Variants in PTPRR observed in about 807,000 individuals in gnomAD.
PTPRR encodes the protein receptor-type tyrosine-protein phosphatase R.
In PTPRR, 38 loss-of-function variants were observed where a neutral mutation model predicts 77.2. The observed-to-expected ratio is 0.49, with a 90% CI of 0.38 to 0.65. PTPRR has a LOEUF of 0.65. Ranked by LOEUF, PTPRR falls within the 30% of genes least tolerant of loss-of-function variation. PTPRR has a pLI of 0.00. For missense variants in PTPRR, 744 were observed against 799.2 expected, an observed-to-expected ratio of 0.93 and a Z score of 0.83; for synonymous variants, 299 against 283.1, an observed-to-expected ratio of 1.06 and a Z score of -0.57.
chr12:70,896,206 T>C (rs1265691960), intron 1 of PTPRR, among the ~76,000 whole-genome samples: 1 of 151,468 alleles, frequency 6.6e-6, no homozygotes, highest in Non-Finnish European at 1.5e-5. Flanking sequence ...TATATATGCA[T>C]CAAAAATGAG....
intron 2 of PTPRR, among the ~76,000 whole-genome samples, chr12:70,817,304 G>T (rs1437007700): frequency 6.6e-6 from 1 of 151,986 alleles, no homozygotes; most frequent in Non-Finnish European, 1.5e-5. Flanking sequence ...TTTCCTTTTT[G>T]TTGCTACAAA....
intron 2 of PTPRR, among the ~76,000 whole-genome samples, chr12:70,794,992 G>A (rs952611913): frequency 1.3e-5 from 2 of 152,140 alleles, no homozygotes; most frequent in Admixed American, 6.5e-5. Flanking sequence ...AAGGGCTAGA[G>A]ATCTAGTGAT....
At chr12:70,821,700 C>T (rs2063616) in intron 2 of PTPRR, among the ~76,000 whole-genome samples, 5,930 of 152,062 alleles carry the variant, frequency 0.039, 379 homozygotes, top group African/African-American at 0.13. Flanking sequence ...CTCACTCTGT[C>T]GCCCAGGCTG....
intron 2 of PTPRR, among the ~76,000 whole-genome samples, chr12:70,778,105 T>C (rs533862531): frequency 1.8e-4 from 28 of 152,384 alleles, no homozygotes; most frequent in African/African-American, 6.5e-4. Flanking sequence ...ATGAGTGCTC[T>C]ATTTCCTGAG....
chr12:70,751,752 C>T (rs11178391), intron 5 of PTPRR, among the ~76,000 whole-genome samples: 43,522 of 152,034 alleles, frequency 0.29, 8,479 homozygotes, highest in African/African-American at 0.55. Context: ...CAAGTTCTCA[C>T]ATACCCTTCT....
intron 12 of PTPRR, among the ~76,000 whole-genome samples, 164 bp downstream of exon 12, chr12:70,660,776 C>T (rs921372968): frequency 2.0e-5 from 3 of 152,202 alleles, no homozygotes; most frequent in African/African-American, 4.8e-5. Context: ...CTTCTGTCAG[C>T]ATAATCTTGA....
intron 2 of PTPRR, among the ~76,000 whole-genome samples, chr12:70,863,388 G>C (rs1892786236): frequency 1.3e-5 from 2 of 152,082 alleles, no homozygotes; most frequent in South Asian, 4.1e-4. Flanking sequence ...GATGAGCAAG[G>C]AAGTCATAAA....
At chr12:70,883,356 A>G (rs892398679) in intron 2 of PTPRR, among the ~76,000 whole-genome samples, 4 of 152,200 alleles carry the variant, frequency 2.6e-5, no homozygotes, top group African/African-American at 9.6e-5. Flanking sequence ...GTATTATGCT[A>G]TGGCTATTTT....
At chr12:70,801,365 T>C (rs937964597) in intron 2 of PTPRR, among the ~76,000 whole-genome samples, 2 of 152,184 alleles carry the variant, frequency 1.3e-5, no homozygotes, top group East Asian at 3.9e-4. Flanking sequence ...ACATTAACAT[T>C]TGAATTGAAA....
At chr12:70,704,481 C>T (rs554574146) in intron 6 of PTPRR, among the ~76,000 whole-genome samples, 1 of 151,744 alleles carries the variant, frequency 6.6e-6, no homozygotes, top group Admixed American at 6.6e-5. Context: ...AAAAGAGGAT[C>T]CAGAACATCA....
At chr12:70,746,246 A>AT (rs771624787) in intron 5 of PTPRR, among the ~76,000 whole-genome samples, 160 bp from the exon 6 acceptor site, 5 of 152,106 alleles carry the variant, frequency 3.3e-5, no homozygotes, top group Admixed American at 2.0e-4. Context: ...TGGTATTGAG[A>AT]TTTTTCTCAA....
intron 10 of PTPRR, among the ~76,000 whole-genome samples, chr12:70,678,328 A>C (rs983328525): frequency 6.6e-6 from 1 of 152,210 alleles, no homozygotes; most frequent in Admixed American, 6.5e-5. Flanking sequence ...GGCGTGAGCC[A>C]CAGCACCCGG....
At position 70,802,055 on chromosome 12, in the gene PTPRR, C is replaced by G. The variant is rs554865618; in HGVS notation, c.358-37277G>C. Reference sequence around the variant, plus strand: ...CCTGTAAGAATCAGTTTGTCTTTAGCTCACATTGCTGAACAGAATGATTGT... The same window carrying G: ...CCTGTAAGAATCAGTTTGTCTTTAGGTCACATTGCTGAACAGAATGATTGT... On this transcript the variant is annotated intron_variant, in intron 2 of 13. Transcript: ENST00000283228. Among the ~76,000 whole-genome samples, 5 of 152,250 alleles carry G rather than the reference C, an allele frequency of 3.3e-5. No individual in the cohort carries two copies. In the South Asian group the frequency reaches 1.0e-3, roughly 32 times the overall value.
intron 2 of PTPRR, among the ~76,000 whole-genome samples, chr12:70,826,820 C>G (rs1892117097): frequency 6.6e-6 from 1 of 152,154 alleles, no homozygotes; most frequent in Non-Finnish European, 1.5e-5. Context: ...ATCTAAAATC[C>G]TTGCCTCATC....
chr12:70,808,619 A>G (rs1441837624), intron 2 of PTPRR, among the ~76,000 whole-genome samples: 8 of 152,126 alleles, frequency 5.3e-5, no homozygotes, highest in African/African-American at 1.9e-4. Context: ...TTCCCCTGAT[A>G]CTACTGAAAG....
At chr12:70,897,417 C>T (rs2137122198) in intron 1 of PTPRR, among the ~76,000 whole-genome samples, 1 of 152,062 alleles carries the variant, frequency 6.6e-6, no homozygotes, top group Admixed American at 6.6e-5. Flanking sequence ...CTCATCATCA[C>T]TGGCCATCAG....
intron 2 of PTPRR, among the ~76,000 whole-genome samples, chr12:70,819,625 T>C (rs1318325160): frequency 6.6e-6 from 1 of 152,212 alleles, no homozygotes; most frequent in Non-Finnish European, 1.5e-5. Context: ...GTCTTCATGA[T>C]ATCTAGAAGA....
chr12:70,753,221 C>T (rs1490531699), intron 5 of PTPRR, among the ~76,000 whole-genome samples: 1 of 152,100 alleles, frequency 6.6e-6, no homozygotes, highest in Non-Finnish European at 1.5e-5. Flanking sequence ...GAGGGAGCCC[C>T]AATCTTTCTA....
intron 2 of PTPRR, among the ~76,000 whole-genome samples, chr12:70,863,477 T>C (rs1892787867): frequency 6.6e-6 from 1 of 152,170 alleles, no homozygotes; most frequent in Non-Finnish European, 1.5e-5. Flanking sequence ...TTTTAATTTG[T>C]GAAAAATTAA....
Sources: allele counts gnomAD v4.1 joint callset (sites outside exome capture counted in the v4.1 genomes callset), GRCh38; gene constraint gnomAD v4.1.1; transcripts MANE v1.5; gene names NCBI Gene and HGNC (gene_info 2026-07-23, HGNC 2026-07-21).